Variants in TUSC3 observed in about 807,000 individuals in gnomAD.
TUSC3 encodes dolichyl-diphosphooligosaccharide--protein glycosyltransferase subunit TUSC3.
A neutral mutation model predicts 44.8 loss-of-function variants in TUSC3; 45 were observed. The observed-to-expected ratio is 1.00, with a 90% CI of 0.79 to 1.29. The LOEUF (loss-of-function observed/expected upper bound fraction) is 1.29, where lower values mean the gene tolerates loss of function less well. Among genes scored for constraint, TUSC3 ranks in the 50% most tolerant of loss-of-function variants. The probability of loss-of-function intolerance (pLI) is 0.00; values close to 1 mark genes in which losing one functional copy is unlikely to be tolerated. For synonymous variants in TUSC3, 212 were observed against 152.9 expected (o/e 1.39, Z -2.85); for missense variants, 519 against 437.9 (o/e 1.19, Z -1.65).
chr8:15,622,451 A>T (rs1040370487), intron 1 of TUSC3, among the ~76,000 whole-genome samples: 1 of 152,048 alleles, frequency 6.6e-6, no homozygotes, highest in Non-Finnish European at 1.5e-5. Flanking sequence ...CCTTCTATAC[A>T]GAAGCTACAG....
chr8:15,418,746 C>G (rs1170295586), intron 1 of TUSC3, among the ~76,000 whole-genome samples: 1 of 152,168 alleles, frequency 6.6e-6, no homozygotes, highest in Non-Finnish European at 1.5e-5. Flanking sequence ...TGGCTCATGC[C>G]TGTAACCTCA....
intron 7 of TUSC3, among the ~76,000 whole-genome samples, chr8:15,736,385 G>A (rs991650276): frequency 6.6e-6 from 1 of 152,132 alleles, no homozygotes; most frequent in Non-Finnish European, 1.5e-5. Flanking sequence ...ACCATAATTG[G>A]AAGAATTAGT....
At chr8:15,691,899 C>G (rs994778195) in intron 6 of TUSC3, among the ~76,000 whole-genome samples, 2 of 152,046 alleles carry the variant, frequency 1.3e-5, no homozygotes, top group African/African-American at 4.8e-5. Flanking sequence ...TTGCCTCAGC[C>G]TCACCCAAGT....
intron 2 of TUSC3, among the ~76,000 whole-genome samples, chr8:15,529,949 C>CGCCCAGCCGAA (rs1801429391): frequency 1.9e-5 from 1 of 52,108 alleles, no homozygotes; most frequent in African/African-American, 6.8e-5. Context: ...AGGCGCCCGG[C>CGCCCAGCCGAA]TAATTTTTTG....
At chr8:15,565,802 G>A (rs115887036) in intron 1 of TUSC3, among the ~76,000 whole-genome samples, 124 of 152,122 alleles carry the variant, frequency 8.2e-4, no homozygotes, top group African/African-American at 2.7e-3. Flanking sequence ...CATGTGTTGC[G>A]GATGGCAGAG....
the TUSC3 span, among the ~76,000 whole-genome samples, chr8:15,816,754 A>G: frequency 6.6e-6 from 1 of 152,174 alleles, no homozygotes; most frequent in Admixed American, 6.5e-5. Flanking sequence ...TCACAGAGAA[A>G]CGGCATGTTT....
At chr8:15,694,431 C>A (rs1245294634) in intron 6 of TUSC3, among the ~76,000 whole-genome samples, 6 of 96,472 alleles carry the variant, frequency 6.2e-5, no homozygotes, top group South Asian at 3.7e-4. Flanking sequence ...ACGGAAACTC[C>A]ATCCAAAAAA....
intron 2 of TUSC3, among the ~76,000 whole-genome samples, chr8:15,642,805 A>T (rs907534189): frequency 1.3e-4 from 20 of 150,576 alleles, no homozygotes; most frequent in Admixed American, 2.0e-4. Flanking sequence ...ATTTAAGATT[A>T]TAAGTGTTAT....
chr8:15,787,603 T>C, the TUSC3 span, among the ~76,000 whole-genome samples: 1 of 152,232 alleles, frequency 6.6e-6, no homozygotes, highest in South Asian at 2.1e-4. Context: ...GATCACTTCT[T>C]ATTTCTATGA....
chr8:15,467,771 C>T (rs1800432635), intron 1 of TUSC3, among the ~76,000 whole-genome samples: 1 of 152,094 alleles, frequency 6.6e-6, no homozygotes, highest in Non-Finnish European at 1.5e-5. Flanking sequence ...CGTTTGTTCT[C>T]TGTCTTTCTT....
rs1802313802 is a variant in TUSC3 at position 15,557,612 on chromosome 8, G to T, written c.138+17044G>T. On this transcript the variant is annotated intron_variant, in intron 1 of 10. Transcript: ENST00000503731. ...CCTTGGGCAGTACGGCCATTTTCAT[G>T]ATATTGATTCTTCCTACCCATGAGC... 1.9e-5 allele frequency among the ~76,000 whole-genome samples: 2 copies of T among 104,118 alleles called. 1 individual carries two copies. The highest frequency in any genetic ancestry group is 4.4e-5 in the Non-Finnish European group (2 of 45,970). The allele number at this position is 104,118 out of a possible 152,430, so 68.3% of individuals were successfully genotyped here.
the TUSC3 span, among the ~76,000 whole-genome samples, chr8:15,814,011 A>G: frequency 1.3e-5 from 2 of 152,236 alleles, no homozygotes; most frequent in African/African-American, 4.8e-5. Flanking sequence ...TGTGAGGACT[A>G]AACAAGCTAA....
intron 5 of TUSC3, among the ~76,000 whole-genome samples, chr8:15,667,137 C>A (rs6995062): frequency 1.3e-5 from 2 of 151,572 alleles, no homozygotes; most frequent in African/African-American, 2.4e-5. Flanking sequence ...TCTCCTTAAT[C>A]CAACTCAATA....
At position 15,502,694 on chromosome 8, in the gene TUSC3, T is replaced by A. The variant is rs1377648925; in HGVS notation, n.189+19211T>A. 5.3e-5 allele frequency among the ~76,000 whole-genome samples: 8 copies of A among 152,292 alleles called. No individual in the cohort carries two copies. In the East Asian group the frequency reaches 1.5e-3, roughly 29 times the overall value. On this transcript the variant is annotated intron_variant and non_coding_transcript_variant, in intron 2 of 5. Transcript: ENST00000503191. ...TTTTAGTAGAGTCAGGGTTTCACCGTGTTAGCCAGGATGGTCTTGATCTCC... is the reference window on the plus strand; with the variant it reads ...TTTTAGTAGAGTCAGGGTTTCACCGAGTTAGCCAGGATGGTCTTGATCTCC...
chr8:15,497,579 C>T lies in TUSC3; in HGVS notation n.189+14096C>T, dbSNP rs117540957. On this transcript the variant is annotated intron_variant and non_coding_transcript_variant, in intron 2 of 5. Coordinates refer to the TUSC3 transcript ENST00000503191. Reference sequence around the variant, plus strand: ...CATTTAAAGCTAATTGAAGTGAGTTCTGGAGGGAATGAGAGGAGAGGATTT... The same window carrying T: ...CATTTAAAGCTAATTGAAGTGAGTTTTGGAGGGAATGAGAGGAGAGGATTT... Among the ~76,000 whole-genome samples the T allele has an allele frequency of 7.2e-5, 11 of 152,158 alleles. 1 individual carries two copies. In the South Asian group the frequency reaches 2.3e-3, roughly 32 times the overall value.
intron 1 of TUSC3, among the ~76,000 whole-genome samples, chr8:15,606,088 C>G (rs937248354): frequency 3.9e-5 from 6 of 151,934 alleles, no homozygotes; most frequent in African/African-American, 9.7e-5. Context: ...CAAAATGCCA[C>G]TAGGGATGCT....
At chr8:15,471,468 C>G (rs940231606) in intron 1 of TUSC3, among the ~76,000 whole-genome samples, 1 of 152,038 alleles carries the variant, frequency 6.6e-6, no homozygotes, top group African/African-American at 2.4e-5. Context: ...AAGTAAATAT[C>G]TTAATACTAA....
intron 2 of TUSC3, among the ~76,000 whole-genome samples, chr8:15,642,579 A>G (rs144212229): frequency 8.5e-5 from 13 of 152,250 alleles, no homozygotes; most frequent in Middle Eastern, 3.4e-3. Context: ...AAGTCTGCGT[A>G]TATTCTGTTC....
intron 1 of TUSC3, among the ~76,000 whole-genome samples, chr8:15,418,281 A>T (rs911109678): frequency 1.3e-5 from 2 of 152,192 alleles, no homozygotes; most frequent in Non-Finnish European, 2.9e-5. Flanking sequence ...TGGTATTCGT[A>T]ACTGCACACA....
Sources: allele counts gnomAD v4.1 joint callset (sites outside exome capture counted in the v4.1 genomes callset), GRCh38; gene constraint gnomAD v4.1.1; transcripts MANE v1.5; gene names NCBI Gene and HGNC (gene_info 2026-07-23, HGNC 2026-07-21).